Variants in TSPAN18 observed in about 807,000 individuals in gnomAD.
The protein encoded by TSPAN18 is tetraspanin 18, also known as tetraspanin-18.
TSPAN18 carries 14 observed loss-of-function variants against 27.3 expected under a neutral mutation model. The observed-to-expected ratio is 0.51, with a 90% CI of 0.34 to 0.80. The LOEUF is 0.80. TSPAN18 is among the 30% of genes least tolerant of loss of function. The pLI is 0.01. For synonymous variants in TSPAN18, 143 were observed against 136.5 expected (o/e 1.05, Z -0.33); for missense variants, 268 against 323.9 (o/e 0.83, Z 1.32).
At chr11:44,751,620 A>T (rs1358880129) in intron 1 of TSPAN18, among the ~76,000 whole-genome samples, 1 of 152,142 alleles carries the variant, frequency 6.6e-6, no homozygotes, top group Non-Finnish European at 1.5e-5. Flanking sequence ...TTCTCTGATT[A>T]TAAAAGTCAC....
At chr11:44,900,446 A>C (rs567009933) in intron 3 of TSPAN18, among the ~76,000 whole-genome samples, 1 of 152,328 alleles carries the variant, frequency 6.6e-6, no homozygotes, top group South Asian at 2.1e-4. Flanking sequence ...ATTCTGGCTC[A>C]GGCACTTCTG....
chr11:44,763,723 C>T (rs1334175467), intron 1 of TSPAN18, among the ~76,000 whole-genome samples: 1 of 152,106 alleles, frequency 6.6e-6, no homozygotes, highest in African/African-American at 2.4e-5. Context: ...ATGTTCAATG[C>T]CATCACATGG....
intron 8 of TSPAN18, among the ~76,000 whole-genome samples, chr11:44,920,347 A>C (rs1403818879): frequency 6.6e-6 from 1 of 151,846 alleles, no homozygotes; most frequent in Non-Finnish European, 1.5e-5. Context: ...AGAATTGCAC[A>C]GTGGGGGGCC....
At chr11:44,910,655 G>A (rs1859674405) in intron 5 of TSPAN18, among the ~76,000 whole-genome samples, 5 of 152,234 alleles carry the variant, frequency 3.3e-5, no homozygotes, top group Admixed American at 3.3e-4. Context: ...ATGCAATTCT[G>A]AAACGGTATG....
intron 2 of TSPAN18, among the ~76,000 whole-genome samples, chr11:44,820,247 C>A (rs569276169): frequency 1.3e-5 from 2 of 152,328 alleles, no homozygotes; most frequent in East Asian, 3.9e-4. Context: ...TTCTCATAGC[C>A]AACTGGCCAG....
intron 2 of TSPAN18, among the ~76,000 whole-genome samples, chr11:44,771,276 T>C (rs1044289287): frequency 5.3e-5 from 8 of 152,124 alleles, no homozygotes; most frequent in African/African-American, 1.9e-4. Context: ...TGAGGATGAG[T>C]GGAGAAATGA....
chr11:44,775,501 C>G (rs112219006), intron 2 of TSPAN18, among the ~76,000 whole-genome samples: 151 of 152,236 alleles, frequency 9.9e-4, no homozygotes, highest in African/African-American at 3.6e-3. Flanking sequence ...TGGAGGTCAC[C>G]GAATCCCTAT....
chr11:44,844,922 T>G (rs1209980422), intron 2 of TSPAN18, among the ~76,000 whole-genome samples: 1 of 152,096 alleles, frequency 6.6e-6, no homozygotes, highest in Non-Finnish European at 1.5e-5. Flanking sequence ...GAGGCAGGAG[T>G]CATCATCACC....
intron 5 of TSPAN18, among the ~76,000 whole-genome samples, chr11:44,911,327 C>G (rs1193676570): frequency 6.6e-6 from 1 of 152,078 alleles, no homozygotes; most frequent in Non-Finnish European, 1.5e-5. Context: ...GGCACCATAC[C>G]TCCTCCCCAG....
intron 9 of TSPAN18, 124 bp downstream of exon 9, chr11:44,926,881 G>T: frequency 1.1e-6 from 1 of 914,384 alleles, no homozygotes; most frequent in Non-Finnish European, 1.7e-6. Flanking sequence ...CCCCCACTGT[G>T]GGTGCTATGG....
chr11:44,879,394 A>C (rs1858427433), intron 3 of TSPAN18, among the ~76,000 whole-genome samples: 1 of 152,238 alleles, frequency 6.6e-6, no homozygotes, highest in Admixed American at 6.5e-5. Flanking sequence ...GAATAACAGA[A>C]AGAAAACATT....
chr11:44,927,999 C>T (rs1860431048), intron 9 of TSPAN18, among the ~76,000 whole-genome samples: 1 of 152,218 alleles, frequency 6.6e-6, no homozygotes, highest in African/African-American at 2.4e-5. Flanking sequence ...AGGCAGAATC[C>T]TGCTCAAGAC....
intron 1 of TSPAN18, among the ~76,000 whole-genome samples, chr11:44,742,950 G>T (rs1318851227): frequency 6.6e-6 from 1 of 152,288 alleles, no homozygotes; most frequent in African/African-American, 2.4e-5. Context: ...TTCATGGGGG[G>T]GCTGGCATCT....
At chr11:44,827,316 G>C (rs1466518752) in intron 2 of TSPAN18, among the ~76,000 whole-genome samples, 1 of 152,248 alleles carries the variant, frequency 6.6e-6, no homozygotes, top group Non-Finnish European at 1.5e-5. Context: ...GACGGAACAA[G>C]ACCAGCAAGC....
At chr11:44,845,938 A>G (rs1056785152) in intron 2 of TSPAN18, among the ~76,000 whole-genome samples, 1 of 152,236 alleles carries the variant, frequency 6.6e-6, no homozygotes, top group African/African-American at 2.4e-5. Context: ...AGAGCAAAGC[A>G]TCAGCTTGGG....
Position 44,909,791 on chromosome 11 carries a change from G to T in TSPAN18, c.150G>T (p.Leu50=). ...GGGAGATCGTGGCTGCCAATCCTCTGCTCCTCACGGGCGCCTACATCCTCC... is the reference window on the plus strand; with the variant it reads ...GGGAGATCGTGGCTGCCAATCCTCTTCTCCTCACGGGCGCCTACATCCTCC... The part of the protein sequence containing the change: ...GFREIVAANP[L]LLTGAYILLA... Residue 50 remains leucine (L), a synonymous_variant, in exon 5 of 10, where the codon CTG becomes CTT. Coordinates refer to ENST00000520358, the MANE Select transcript of TSPAN18 (RefSeq NM_130783.5). 6.2e-7 allele frequency: 1 copy of T among 1,613,976 alleles called. No homozygotes were observed. Among genetic ancestry groups the T allele is most frequent in the Non-Finnish European group, 8.5e-7 (1 of 1,180,012 alleles).
intron 2 of TSPAN18, among the ~76,000 whole-genome samples, chr11:44,806,041 CTTTTTT>C (rs34132755): frequency 7.4e-6 from 1 of 134,532 alleles, no homozygotes; most frequent in African/African-American, 2.8e-5. Flanking sequence ...CTATTTTTTC[CTTTTTT>C]TTTTTTTTTT....
chr11:44,782,487 G>A (rs1855960539), intron 2 of TSPAN18, among the ~76,000 whole-genome samples: 1 of 150,060 alleles, frequency 6.7e-6, no homozygotes. Context: ...AGGTTGCAAT[G>A]AGCAGAGATC....
intron 3 of TSPAN18, among the ~76,000 whole-genome samples, chr11:44,896,500 A>T (rs1590648137): frequency 1.3e-5 from 2 of 152,128 alleles, no homozygotes; most frequent in South Asian, 4.1e-4. Flanking sequence ...AAGCTGGTGC[A>T]CACAGATGGG....
Sources: gnomAD v4.1 joint callset for allele counts (sites outside exome capture counted in the v4.1 genomes callset) on GRCh38, gnomAD v4.1.1 for gene constraint, MANE v1.5 for transcripts, NCBI Gene and HGNC (gene_info 2026-07-23, HGNC 2026-07-21) for gene names.